Variants in PTTG1IP2 observed in about 807,000 individuals in gnomAD.
The protein encoded by PTTG1IP2 is PTTG1IP family member 2.
intron 1 of PTTG1IP2, among the ~76,000 whole-genome samples, chr7:90,473,754 C>T (rs753083384): frequency 2.0e-5 from 3 of 152,182 alleles, no homozygotes; most frequent in Non-Finnish European, 4.4e-5. Flanking sequence ...GTACTTGTTT[C>T]ACCAGAGAGG....
chr7:90,497,105 C>T (rs1296024720), intron 6 of PTTG1IP2, among the ~76,000 whole-genome samples: 4 of 152,166 alleles, frequency 2.6e-5, no homozygotes, highest in African/African-American at 7.2e-5. Flanking sequence ...TGTGGCCTAA[C>T]ATATGGTCTA....
At chr7:90,501,781 C>T (rs921714295) in intron 6 of PTTG1IP2, among the ~76,000 whole-genome samples, 4 of 152,122 alleles carry the variant, frequency 2.6e-5, no homozygotes, top group African/African-American at 9.7e-5. Flanking sequence ...ATGGTTGCAG[C>T]CTGATCAGGG....
chr7:90,488,845 A>G (rs908014167), intron 3 of PTTG1IP2, 26 bp from the exon 4 acceptor site: 1 of 151,998 alleles, frequency 6.6e-6, no homozygotes, highest in Non-Finnish European at 1.5e-5. Context: ...GTTAACTTAA[A>G]ATATATTTCT....
intron 6 of PTTG1IP2, among the ~76,000 whole-genome samples, chr7:90,498,117 C>G (rs1350903104): frequency 6.6e-6 from 1 of 152,120 alleles, no homozygotes; most frequent in Non-Finnish European, 1.5e-5. Flanking sequence ...GCTTTGCCTC[C>G]CCGGCTCACG....
intron 6 of PTTG1IP2, among the ~76,000 whole-genome samples, chr7:90,507,871 T>TAAATCTA (rs1436284221): frequency 1.3e-5 from 2 of 152,136 alleles, no homozygotes; most frequent in Non-Finnish European, 2.9e-5. Flanking sequence ...AGAGGCGCTG[T>TAAATCTA]GAGATCATAA....
At chr7:90,478,966 G>C (rs796870935) in intron 1 of PTTG1IP2, among the ~76,000 whole-genome samples, 32 of 152,010 alleles carry the variant, frequency 2.1e-4, no homozygotes, top group African/African-American at 7.5e-4. Flanking sequence ...ATGTTTTGGG[G>C]GTTGTTTTTT....
chr7:90,511,421 A>G (rs1012298642), intron 6 of PTTG1IP2, among the ~76,000 whole-genome samples: 1 of 152,168 alleles, frequency 6.6e-6, no homozygotes, highest in East Asian at 1.9e-4. Flanking sequence ...GACCTTCACA[A>G]TTTGGGCTCA....
chr7:90,499,730 C>T (rs1384291772), intron 6 of PTTG1IP2, among the ~76,000 whole-genome samples: 1 of 151,994 alleles, frequency 6.6e-6, no homozygotes, highest in Non-Finnish European at 1.5e-5. Context: ...ACTACAGGCG[C>T]ATGCAAGCAT....
intron 2 of PTTG1IP2, among the ~76,000 whole-genome samples, chr7:90,484,539 T>C (rs1471509492): frequency 6.6e-6 from 1 of 152,176 alleles, no homozygotes; most frequent in Non-Finnish European, 1.5e-5. Context: ...TTATTTTCCT[T>C]AGTTACAAGA....
At chr7:90,482,816 C>T (rs1797829062) in intron 2 of PTTG1IP2, among the ~76,000 whole-genome samples, 2 of 152,116 alleles carry the variant, frequency 1.3e-5, no homozygotes, top group Non-Finnish European at 2.9e-5. Context: ...TCCATAATCA[C>T]ATCTTTCTCA....
intron 6 of PTTG1IP2, among the ~76,000 whole-genome samples, chr7:90,498,907 A>G (rs537556874): frequency 1.3e-5 from 2 of 152,244 alleles, no homozygotes; most frequent in African/African-American, 4.8e-5. Flanking sequence ...GCTGGGGTGC[A>G]GTGGCATGAT....
intron 6 of PTTG1IP2, among the ~76,000 whole-genome samples, chr7:90,509,769 AAG>A (rs1205056675): frequency 6.6e-6 from 1 of 152,182 alleles, no homozygotes; most frequent in Admixed American, 6.5e-5. Flanking sequence ...CTCACAGGGC[AAG>A]TGGGCTGGGA....
chr7:90,507,867 G>A (rs573875133), intron 6 of PTTG1IP2, among the ~76,000 whole-genome samples: 9 of 152,014 alleles, frequency 5.9e-5, no homozygotes, highest in East Asian at 5.8e-4. Flanking sequence ...TTCTAGAGGC[G>A]CTGTGAGATC....
intron 6 of PTTG1IP2, among the ~76,000 whole-genome samples, chr7:90,511,231 G>T (rs985019348): frequency 1.3e-5 from 2 of 152,136 alleles, no homozygotes; most frequent in Non-Finnish European, 2.9e-5. Context: ...TATAGTGCCT[G>T]CCATCAAAAA....
chr7:90,477,869 G>A (rs1463463865), intron 1 of PTTG1IP2, among the ~76,000 whole-genome samples: 1 of 151,942 alleles, frequency 6.6e-6, no homozygotes, highest in Non-Finnish European at 1.5e-5. Flanking sequence ...AGGCTGAGGC[G>A]GGCGGATCAC....
chr7:90,481,263 C>T (rs1797812762), intron 2 of PTTG1IP2, among the ~76,000 whole-genome samples: 1 of 152,076 alleles, frequency 6.6e-6, no homozygotes, highest in Non-Finnish European at 1.5e-5. Context: ...TGTTTTGATA[C>T]AGGCATGCAA....
intron 6 of PTTG1IP2, among the ~76,000 whole-genome samples, chr7:90,495,661 C>T (rs1167725881): frequency 1.3e-5 from 2 of 152,168 alleles, no homozygotes; most frequent in African/African-American, 4.8e-5. Context: ...TTCCAGAAGC[C>T]TACAGAGCCT....
At chr7:90,478,817 A>T (rs2188518) in intron 1 of PTTG1IP2, among the ~76,000 whole-genome samples, 3,874 of 150,220 alleles carry the variant, frequency 0.026, 157 homozygotes, top group African/African-American at 0.087. Context: ...GCAAAAAAAG[A>T]TAGGGAATTA....
intron 1 of PTTG1IP2, among the ~76,000 whole-genome samples, chr7:90,473,189 G>T (rs1261115182): frequency 4.6e-5 from 7 of 152,188 alleles, no homozygotes; most frequent in Admixed American, 3.9e-4. Context: ...GTAGGGAAAA[G>T]ATTAGAGAGC....
Sources: allele counts gnomAD v4.1 joint callset (sites outside exome capture counted in the v4.1 genomes callset), GRCh38; gene constraint gnomAD v4.1.1; transcripts MANE v1.5; gene names NCBI Gene and HGNC (gene_info 2026-07-23, HGNC 2026-07-21).